The following PPP2R2B variants were observed in gnomAD, a reference collection of about 807,000 sequenced individuals.
PPP2R2B encodes the protein serine/threonine-protein phosphatase 2A 55 kDa regulatory subunit B beta isoform.
A neutral mutation model predicts 46.0 loss-of-function variants in PPP2R2B; 5 were observed. The ratio of observed to expected loss-of-function variants is 0.11; its 90% CI spans 0.06 to 0.23. PPP2R2B has a LOEUF of 0.23. PPP2R2B is among the 10% of genes least tolerant of loss of function. The pLI, the probability that PPP2R2B is intolerant of heterozygous loss-of-function variation, is 1.00. For synonymous variants in PPP2R2B, 215 were observed against 206.7 expected, an observed-to-expected ratio of 1.04 and a Z score of -0.34; for missense variants, 367 against 575.0, an observed-to-expected ratio of 0.64 and a Z score of 3.70.
chr5:147,061,562 T>A (rs1253344290), intron 2 of PPP2R2B, among the ~76,000 whole-genome samples: 1 of 152,198 alleles, frequency 6.6e-6, no homozygotes, highest in African/African-American at 2.4e-5. Context: ...GCTCATTGCA[T>A]CCCTTAGACC....
chr5:146,919,443 G>A (rs1257414963), intron 1 of PPP2R2B: 1 of 152,170 alleles, frequency 6.6e-6, no homozygotes, highest in Non-Finnish European at 1.5e-5. Flanking sequence ...GTGGATAACA[G>A]GCAACCTATA....
At chr5:146,749,749 C>A (rs966218856) in intron 2 of PPP2R2B, among the ~76,000 whole-genome samples, 3 of 151,816 alleles carry the variant, frequency 2.0e-5, no homozygotes, top group African/African-American at 7.3e-5. Context: ...CAGGCGCCTG[C>A]CACCATGCCC....
In PPP2R2B at chr5:146,585,290, A is replaced by ACACC. The variant is rs1770096069; in HGVS notation, c.*4656_*4657insGGTG. On this transcript the variant is annotated 3_prime_UTR_variant, in exon 10 of 10. Transcript: ENST00000394411. Reference sequence around the variant, plus strand: ...CACACACACACACACACACACACACACACACACACACATAATGTATGATGG... The same window carrying ACACC: ...CACACACACACACACACACACACACACACCCACACACACACATAATGTATGATGG... The ACACC allele has an allele frequency of 6.6e-6, 1 of 152,628 alleles. No individual in the cohort carries two copies. The highest frequency in any genetic ancestry group is 2.4e-5 in the African/African-American group (1 of 41,290). 9.5% of individuals were successfully genotyped at this position (152,628 alleles called of 1,614,324 possible). A position where few individuals can be genotyped will look rare whatever the true frequency, so the allele number is the denominator to read the frequency against.
chr5:146,928,354 C>T (rs187193729), intron 1 of PPP2R2B, among the ~76,000 whole-genome samples: 2 of 151,868 alleles, frequency 1.3e-5, no homozygotes, highest in Non-Finnish European at 2.9e-5. Context: ...CTAAAGGACA[C>T]CTCTAAGTCA....
At position 146,620,693 on chromosome 5, in the gene PPP2R2B, T is replaced by A. The variant is rs78095545; in HGVS notation, c.790+17558A>T. ...CAGGCCCCTGGGCCCACTCCACACA[T>A]CACAGGCTAGAGACTTCTTGTCTGC... On this transcript the variant is annotated intron_variant, in intron 7 of 9. Transcript: ENST00000394411. Among the ~76,000 whole-genome samples, 1,195 of 152,212 alleles carry A rather than the reference T, an allele frequency of 7.9e-3. 19 individuals are homozygous for A. Among genetic ancestry groups the A allele is most frequent in the African/African-American group, 0.027 (1,129 of 41,538 alleles).
chr5:147,023,066 G>A (rs1430455908), intron 1 of PPP2R2B, among the ~76,000 whole-genome samples: 1 of 151,668 alleles, frequency 6.6e-6, no homozygotes, highest in Non-Finnish European at 1.5e-5. Context: ...TTTTAAAAAA[G>A]AATAACAATG....
intron 2 of PPP2R2B, among the ~76,000 whole-genome samples, chr5:146,758,929 T>A (rs373583934): frequency 3.2e-4 from 48 of 152,312 alleles, no homozygotes; most frequent in Non-Finnish European, 5.9e-4. Context: ...ACATGGAATT[T>A]TTTTTTTCCC....
intron 1 of PPP2R2B, among the ~76,000 whole-genome samples, chr5:146,930,274 GAAC>G (rs1763924253): frequency 6.6e-6 from 1 of 152,146 alleles, no homozygotes; most frequent in Non-Finnish European, 1.5e-5. Flanking sequence ...CAGGCAGAAG[GAAC>G]AACAAGGACA....
intron 2 of PPP2R2B, among the ~76,000 whole-genome samples, chr5:146,769,387 A>T (rs72813712): frequency 0.098 from 14,992 of 152,220 alleles, 1,145 homozygotes; most frequent in East Asian, 0.42. Context: ...GGTGATTCTG[A>T]TACAGGCTAA....
chr5:146,683,697 A>G (rs1778314967), intron 5 of PPP2R2B, among the ~76,000 whole-genome samples: 1 of 152,098 alleles, frequency 6.6e-6, no homozygotes, highest in African/African-American at 2.4e-5. Flanking sequence ...CCAAACTCTC[A>G]TCCCCCAAAG....
chr5:146,877,583 C>T (rs1317593400), intron 2 of PPP2R2B, among the ~76,000 whole-genome samples: 1 of 152,130 alleles, frequency 6.6e-6, no homozygotes, highest in Non-Finnish European at 1.5e-5. Context: ...AAACCTTGCC[C>T]TCCCTGCAGC....
At chr5:146,645,577 C>T (rs1299590597) in intron 6 of PPP2R2B, among the ~76,000 whole-genome samples, 1 of 152,192 alleles carries the variant, frequency 6.6e-6, no homozygotes, top group Non-Finnish European at 1.5e-5. Flanking sequence ...AAGGAAGCTG[C>T]TGTCCATGGT....
intron 2 of PPP2R2B, among the ~76,000 whole-genome samples, chr5:146,848,047 A>G (rs1173605521): frequency 6.6e-6 from 1 of 152,160 alleles, no homozygotes; most frequent in Non-Finnish European, 1.5e-5. Context: ...GTTTTTCCCA[A>G]TAGCTGTCCA....
intron 7 of PPP2R2B, among the ~76,000 whole-genome samples, chr5:146,627,084 T>G (rs998896936): frequency 6.6e-6 from 1 of 151,312 alleles, no homozygotes; most frequent in African/African-American, 2.4e-5. Flanking sequence ...GAGGTGGGGG[T>G]GGTGGTGGTA....
chr5:146,869,514 T>C (rs1761492544), intron 2 of PPP2R2B, among the ~76,000 whole-genome samples: 1 of 152,176 alleles, frequency 6.6e-6, no homozygotes, highest in Non-Finnish European at 1.5e-5. Flanking sequence ...GTATCACTAG[T>C]AGAAAAACAA....
chr5:147,050,647 G>A (rs185110527), intron 1 of PPP2R2B, among the ~76,000 whole-genome samples: 1 of 142,888 alleles, frequency 7.0e-6, no homozygotes, highest in African/African-American at 2.5e-5. Context: ...TAACAGTGTT[G>A]ACCTTATAGA....
chr5:146,713,306 T>C (rs1446493118), intron 2 of PPP2R2B, among the ~76,000 whole-genome samples: 1 of 151,912 alleles, frequency 6.6e-6, no homozygotes, highest in Non-Finnish European at 1.5e-5. Context: ...AAGGGGTAAA[T>C]AGGTAGGAGA....
intron 1 of PPP2R2B, among the ~76,000 whole-genome samples, chr5:146,923,118 A>G (rs942758944): frequency 6.6e-6 from 1 of 152,174 alleles, no homozygotes; most frequent in Admixed American, 6.5e-5. Flanking sequence ...ATGAGAGTCT[A>G]AATTTCTTTT....
At chr5:146,691,055 A>T in intron 5 of PPP2R2B, 73 bp downstream of exon 5, 1 of 1,333,262 alleles carries the variant, frequency 7.5e-7, no homozygotes, top group South Asian at 1.3e-5. Context: ...AACCTACAGT[A>T]ACAACCAGCA....
Sources: allele counts gnomAD v4.1 joint callset (sites outside exome capture counted in the v4.1 genomes callset), GRCh38; gene constraint gnomAD v4.1.1; transcripts MANE v1.5; gene names NCBI Gene and HGNC (gene_info 2026-07-23, HGNC 2026-07-21).